SASH1: variants seen among roughly 807,000 people sequenced by gnomAD.
SASH1 encodes the protein SAM and SH3 domain-containing protein 1.
A neutral mutation model predicts 125.2 loss-of-function variants in SASH1; 44 were observed. That is an observed-to-expected ratio of 0.35 (90% CI 0.28 to 0.45). The LOEUF (loss-of-function observed/expected upper bound fraction) is 0.45, where lower values mean the gene tolerates loss of function less well. Among genes scored for constraint, SASH1 ranks in the 20% least tolerant of loss-of-function variants. The pLI, the probability that SASH1 is intolerant of heterozygous loss-of-function variation, is 1.00. For missense variants in SASH1, 1,426 were observed against 1,614.5 expected (o/e 0.88, Z 2.00); for synonymous variants, 639 against 649.1 (o/e 0.98, Z 0.24).
At chr6:148,539,221 T>C (rs1285028462) in intron 16 of SASH1, among the ~76,000 whole-genome samples, 2 of 152,080 alleles carry the variant, frequency 1.3e-5, no homozygotes, top group Non-Finnish European at 2.9e-5. Flanking sequence ...TTTATTTCAG[T>C]AGCTTTGGGG....
chr6:148,344,755 CT>C (rs762490919), intron 1 of SASH1, among the ~76,000 whole-genome samples: 10,910 of 142,954 alleles, frequency 0.076, 279 homozygotes, highest in Admixed American at 0.1. Flanking sequence ...TTTTTCTTTT[CT>C]TTTTTTTTTT....
At chr6:148,471,569 C>CA in intron 6 of SASH1, 66 bp downstream of exon 6, 2 of 950,566 alleles carry the variant, frequency 2.1e-6, no homozygotes, top group Non-Finnish European at 3.4e-6. Context: ...TCCTATGCGG[C>CA]TAATCTCAGT....
chr6:148,477,085 T>A (rs1456412803), intron 7 of SASH1, among the ~76,000 whole-genome samples: 1 of 152,156 alleles, frequency 6.6e-6, no homozygotes, highest in Non-Finnish European at 1.5e-5. Context: ...TAAAAACAAA[T>A]CTTTAAGACT....
rs370037960 is a variant in SASH1, at chr6:148,487,112, C to CATATATAT, written c.628-491_628-484dup. Among the ~76,000 whole-genome samples the CATATATAT allele has an allele frequency of 1.4e-3, 167 of 120,660 alleles. 1 individual carries two copies. The highest frequency in any genetic ancestry group is 4.8e-3 in the African/African-American group (151 of 31,698). 79.2% of individuals were successfully genotyped at this position (120,660 alleles called of 152,430 possible). On this transcript the variant is annotated intron_variant, in intron 7 of 19. Transcript: ENST00000367467. The stretch of plus-strand genomic sequence containing the variant: ...ATATATACACACACACACACACACA[C>CATATATAT]ATATATATATATATATATGTGTATG...
intron 1 of SASH1, among the ~76,000 whole-genome samples, chr6:148,376,498 C>T (rs1235024005): frequency 6.6e-6 from 1 of 152,122 alleles, no homozygotes; most frequent in Admixed American, 6.5e-5. Flanking sequence ...TGTAAGCGCT[C>T]ATCACCACAA....
intron 4 of SASH1, among the ~76,000 whole-genome samples, chr6:148,459,025 C>T (rs1252649528): frequency 6.7e-6 from 1 of 148,316 alleles, no homozygotes; most frequent in Non-Finnish European, 1.5e-5. Context: ...CACACACACC[C>T]TCTAGCATAT....
chr6:148,440,574 T>G (rs2115004177), intron 4 of SASH1, 167 bp downstream of exon 4: 1 of 621,512 alleles, frequency 1.6e-6, no homozygotes, highest in African/African-American at 1.8e-5. Context: ...TGGCTAAGAG[T>G]GTGTTTTGTA....
the SASH1 span, among the ~76,000 whole-genome samples, chr6:148,229,954 C>T: frequency 5.9e-5 from 9 of 152,142 alleles, no homozygotes; most frequent in Non-Finnish European, 1.2e-4. Context: ...TCAGGTAATC[C>T]ACCCGCCTCG....
upstream of SASH1, among the ~76,000 whole-genome samples, chr6:148,268,487 T>A (rs567103595): frequency 6.6e-6 from 1 of 152,370 alleles, no homozygotes; most frequent in East Asian, 1.9e-4. Context: ...CAACTGCTGA[T>A]ATGCAAGTTG....
intron 11 of SASH1, 135 bp downstream of exon 11, chr6:148,525,500 G>T (rs1391875311): frequency 1.4e-6 from 1 of 738,616 alleles, no homozygotes; most frequent in Non-Finnish European, 2.3e-6. Context: ...TTGGAAAAAA[G>T]CTCTATTTCA....
rs111245329 is a variant in SASH1 at position 148,481,020 on chromosome 6, A to G, written c.628-6594A>G. ...AAGGAAGTCGAGCTCATTAGTAAAA[A>G]TGTTGCTTAGGGAGATCTAGGTCAT... On this transcript the variant is annotated intron_variant, in intron 7 of 19. Transcript: ENST00000367467. Among the ~76,000 whole-genome samples the G allele has an allele frequency of 7.9e-4, 120 of 151,008 alleles. 6 individuals are homozygous for G. Among genetic ancestry groups the G allele is most frequent in the African/African-American group, 2.8e-3 (114 of 41,446 alleles).
chr6:148,321,554 G>A (rs1481999962), intron 1 of SASH1, among the ~76,000 whole-genome samples: 1 of 152,148 alleles, frequency 6.6e-6, no homozygotes, highest in Non-Finnish European at 1.5e-5. Flanking sequence ...ATCAAACATG[G>A]CACCTGGCTG....
chr6:148,513,384 G>A lies in SASH1; in HGVS notation c.730-940G>A, dbSNP rs548973949. 2.3e-5 allele frequency: 23 copies of A among 985,466 alleles called. 1 individual carries two copies. The highest frequency in any genetic ancestry group is 1.4e-4 in the South Asian group (3 of 21,282). The allele number at this position is 985,466 out of a possible 1,614,324, so 61.0% of individuals were successfully genotyped here. On this transcript the variant is annotated intron_variant, in intron 8 of 19. Coordinates refer to ENST00000367467, the MANE Select transcript of SASH1 (RefSeq NM_015278.5). ...TGCTCCCAGGCATGCCCACGCACCC[G>A]TGTTGCACACTCGTTTAGTCAGAGA...
chr6:148,298,801 GAGAA>G (rs1268175811), intron 1 of SASH1, among the ~76,000 whole-genome samples: 20 of 99,782 alleles, frequency 2.0e-4, no homozygotes, highest in African/African-American at 9.0e-4. Context: ...GAAAGAAAAA[GAGAA>G]AGAAAAAAGA....
chr6:148,202,255 C>G, the SASH1 span, among the ~76,000 whole-genome samples: 1 of 152,140 alleles, frequency 6.6e-6, no homozygotes, highest in Non-Finnish European at 1.5e-5. Flanking sequence ...AAAAACTACT[C>G]TACAATGGAA....
chr6:148,287,264 T>A (rs939901114), intron 1 of SASH1, among the ~76,000 whole-genome samples: 1 of 152,300 alleles, frequency 6.6e-6, no homozygotes, highest in East Asian at 1.9e-4. Context: ...TTTCCTCTAC[T>A]ATCAGTATTC....
chr6:148,544,070 A>G lies in SASH1; in HGVS notation c.2600A>G (p.Glu867Gly). The G allele has an allele frequency of 6.2e-7, 1 of 1,614,056 alleles. No individual in the cohort carries two copies. Among genetic ancestry groups the G allele is most frequent in the Non-Finnish European group, 8.5e-7 (1 of 1,179,998 alleles). ...GAACCGCCCCCTCAGATTGTACCTG[A>G]AGTGCCACAGAAGACGACCGCCTCT... ...VTEPPPQIVP[E>G]VPQKTTASST... is the part of the protein sequence containing the mutation. The change falls in exon 18 of 20, where the codon GAA (glutamate) becomes GGA (glycine). Residue 867 changes from glutamate (E) to glycine (G), a missense_variant. Glu to Gly is a moderately conservative substitution (Grantham distance 98). This residue lies in a region of SASH1 where 634 missense variants were observed against 694.4 expected (regional missense o/e 0.91). Coordinates refer to ENST00000367467, the MANE Select transcript of SASH1 (RefSeq NM_015278.5). The surrounding 1 kb of genome is among the most constrained non-coding windows in gnomAD (Gnocchi z 6.4).
the SASH1 span, among the ~76,000 whole-genome samples, chr6:148,206,673 C>A: frequency 1.3e-5 from 2 of 151,742 alleles, 1 homozygote; most frequent in South Asian, 4.2e-4. Context: ...GCCTGAAATA[C>A]CAGCTACTCA....
chr6:148,302,662 T>TACACAC (rs749409477), intron 1 of SASH1, among the ~76,000 whole-genome samples: 5,463 of 66,682 alleles, frequency 0.082, 132 homozygotes, highest in Middle Eastern at 0.15. Flanking sequence ...TGTATATATA[T>TACACAC]ACACACACAC....
Sources: allele counts gnomAD v4.1 joint callset (sites outside exome capture counted in the v4.1 genomes callset), GRCh38; gene constraint gnomAD v4.1.1; regional missense constraint gnomAD v4.1.1; non-coding constraint Gnocchi (gnomAD v3.1); transcripts MANE v1.5; gene names NCBI Gene and HGNC (gene_info 2026-07-23, HGNC 2026-07-21).